TDRP: variants seen among roughly 807,000 people sequenced by gnomAD.
TDRP encodes the protein testis development-related protein.
In TDRP, 12 loss-of-function variants were observed where a neutral mutation model predicts 10.5. The ratio of observed to expected loss-of-function variants is 1.15; its 90% CI spans 0.73 to 1.86. The LOEUF (loss-of-function observed/expected upper bound fraction) is 1.86, where lower values mean the gene tolerates loss of function less well. TDRP is among the 40% of genes most tolerant of loss of function. The probability of loss-of-function intolerance (pLI) is 0.00; values close to 1 mark genes in which losing one functional copy is unlikely to be tolerated. For missense variants in TDRP, 353 were observed against 229.2 expected (o/e 1.54, Z -3.49); for synonymous variants, 139 against 95.4 (o/e 1.46, Z -2.67).
At chr8:500,474 C>A (rs181449398) in intron 1 of TDRP, among the ~76,000 whole-genome samples, 6 of 152,250 alleles carry the variant, frequency 3.9e-5, no homozygotes, top group Non-Finnish European at 8.8e-5. Flanking sequence ...AAGAACTGAA[C>A]CTGCCAATCT....
intron 1 of TDRP, 89 bp downstream of exon 1, chr8:544,561 C>T: frequency 9.6e-6 from 9 of 941,426 alleles, no homozygotes; most frequent in Non-Finnish European, 1.2e-5. Context: ...CCCCCAACTA[C>T]CCGCACCTCC....
chr8:509,344 T>C (rs1443299554), intron 1 of TDRP, among the ~76,000 whole-genome samples: 2 of 152,170 alleles, frequency 1.3e-5, no homozygotes, highest in African/African-American at 4.8e-5. Context: ...TCTCCATGAG[T>C]GCTCTGCCCC....
chr8:528,819 A>G (rs1470490596), intron 1 of TDRP, among the ~76,000 whole-genome samples: 3 of 151,678 alleles, frequency 2.0e-5, no homozygotes, highest in Non-Finnish European at 2.9e-5. Context: ...GTGTGTGTGT[A>G]TATGTGTGTA....
intron 1 of TDRP, among the ~76,000 whole-genome samples, chr8:510,179 T>C (rs901812235): frequency 6.6e-6 from 1 of 152,208 alleles, no homozygotes; most frequent in Non-Finnish European, 1.5e-5. Context: ...TAGGTACGCA[T>C]AATTGGTTAA....
At chr8:522,817 C>T (rs772351861) in intron 1 of TDRP, among the ~76,000 whole-genome samples, 1 of 152,088 alleles carries the variant, frequency 6.6e-6, no homozygotes, top group African/African-American at 2.4e-5. Context: ...GACTTTTATC[C>T]GATATAAGTA....
intron 1 of TDRP, among the ~76,000 whole-genome samples, chr8:536,156 T>C (rs992646505): frequency 6.6e-6 from 1 of 152,234 alleles, no homozygotes; most frequent in African/African-American, 2.4e-5. Context: ...GAAAGGCAGA[T>C]ATTTAAGCCC....
At chr8:494,788 G>A (rs1002479943) in intron 1 of TDRP, among the ~76,000 whole-genome samples, 191 bp from the exon 2 acceptor site, 1 of 152,142 alleles carries the variant, frequency 6.6e-6, no homozygotes, top group Non-Finnish European at 1.5e-5. Flanking sequence ...TTGGTATTGT[G>A]GTCCTAACAG....
intron 1 of TDRP, among the ~76,000 whole-genome samples, chr8:502,572 A>G (rs1801334533): frequency 6.6e-6 from 1 of 152,252 alleles, no homozygotes; most frequent in East Asian, 1.9e-4. Flanking sequence ...TGGAACCCAG[A>G]GCCATGCAGT....
At chr8:536,765 C>T (rs1320743495) in intron 1 of TDRP, among the ~76,000 whole-genome samples, 1 of 152,172 alleles carries the variant, frequency 6.6e-6, no homozygotes, top group South Asian at 2.1e-4. Context: ...GAAAGCACCA[C>T]TCTGTTCCAC....
At chr8:537,367 G>C (rs922776307) in intron 1 of TDRP, among the ~76,000 whole-genome samples, 1 of 152,162 alleles carries the variant, frequency 6.6e-6, no homozygotes, top group Non-Finnish European at 1.5e-5. Context: ...ACATCAACTC[G>C]GGCAATGAGC....
At chr8:525,780 C>G (rs1802020408) in intron 1 of TDRP, among the ~76,000 whole-genome samples, 1 of 152,076 alleles carries the variant, frequency 6.6e-6, no homozygotes, top group Non-Finnish European at 1.5e-5. Flanking sequence ...GCAGAACAAC[C>G]AGAAAACAAG....
chr8:518,431 T>G (rs1387250795), intron 1 of TDRP, among the ~76,000 whole-genome samples: 1 of 152,100 alleles, frequency 6.6e-6, no homozygotes, highest in Non-Finnish European at 1.5e-5. Flanking sequence ...AAAACTTCAC[T>G]AAGACAACTG....
intron 1 of TDRP, among the ~76,000 whole-genome samples, chr8:533,078 C>T (rs189664296): frequency 6.6e-6 from 1 of 152,218 alleles, no homozygotes; most frequent in African/African-American, 2.4e-5. Context: ...TGCCTCCAGA[C>T]CACTTCAGAG....
rs571545657 is a variant in TDRP, at chr8:544,519, G to A, written c.108+131C>T. The A allele has an allele frequency of 1.4e-3, 734 of 530,488 alleles. 1 individual carries two copies. Among genetic ancestry groups the A allele is most frequent in the Non-Finnish European group, 1.9e-3 (676 of 349,644 alleles). 32.9% of individuals were successfully genotyped at this position (530,488 alleles called of 1,614,324 possible). A position where few individuals can be genotyped will look rare whatever the true frequency, so the allele number is the denominator to read the frequency against. ...AGCGGGCCGCGCCCCGGAGCTACGCGGCCCCAACCTCACCTGCCCGCCCAA... is the reference window on the plus strand; with the variant it reads ...AGCGGGCCGCGCCCCGGAGCTACGCAGCCCCAACCTCACCTGCCCGCCCAA... On this transcript the variant is annotated intron_variant, in intron 1 of 2. Coordinates refer to ENST00000324079, the MANE Select transcript of TDRP (RefSeq NM_001384899.1).
At chr8:545,467 A>C (rs1490545116), upstream of TDRP, 2 of 145,314 alleles carry the variant, frequency 1.4e-5, no homozygotes, top group African/African-American at 5.1e-5. Flanking sequence ...CCTTTCCCAG[A>C]CCCTGGCCGG....
Position 492,645 on chromosome 8 carries a change from A to G in TDRP, c.312T>C (p.Asp104=), listed in dbSNP as rs747791656. ...TTGGAGGCTCCCAACCTTCAATTTC[A>G]TCTGGTTTTTTAGACTGTATATTCT... ...LKQNIQSKKP[D]EIEGWEPPKL... The change falls in exon 3 of 3, where the codon GAT becomes GAC. Residue 104 remains aspartate (D), a synonymous_variant. Transcript: ENST00000324079. 3.7e-6 allele frequency: 6 copies of G among 1,613,976 alleles called. No individual in the cohort carries two copies. The South Asian group carries it at 6.6e-5, about 18-fold the overall frequency.
At chr8:542,744 T>A (rs1173701985) in intron 1 of TDRP, among the ~76,000 whole-genome samples, 1 of 150,108 alleles carries the variant, frequency 6.7e-6, no homozygotes, top group African/African-American at 2.5e-5. Context: ...ATGCTCGTAA[T>A]CCCAGCTACT....
chr8:530,438 G>C (rs183684269), intron 1 of TDRP, among the ~76,000 whole-genome samples: 1 of 152,002 alleles, frequency 6.6e-6, no homozygotes. Context: ...TTTTTGCTGG[G>C]ATTTGGGGTA....
At chr8:519,937 G>A (rs529114657) in intron 1 of TDRP, among the ~76,000 whole-genome samples, 3 of 152,204 alleles carry the variant, frequency 2.0e-5, no homozygotes, top group Non-Finnish European at 4.4e-5. Flanking sequence ...TATATGACCA[G>A]ATAAGTGGGC....
Sources: gnomAD v4.1 joint callset for allele counts (sites outside exome capture counted in the v4.1 genomes callset) on GRCh38, gnomAD v4.1.1 for gene constraint, MANE v1.5 for transcripts, NCBI Gene and HGNC (gene_info 2026-07-23, HGNC 2026-07-21) for gene names.